Variants in HAT1 observed in about 807,000 individuals in gnomAD.
The protein encoded by HAT1 is histone acetyltransferase type B catalytic subunit.
HAT1 carries 20 observed loss-of-function variants against 56.6 expected under a neutral mutation model. The observed-to-expected ratio is 0.35, with a 90% CI of 0.25 to 0.51. HAT1 has a LOEUF of 0.51. Ranked by LOEUF, HAT1 falls within the 20% of genes least tolerant of loss-of-function variation. HAT1 has a pLI of 0.95. For missense variants in HAT1, 408 were observed against 504.3 expected (o/e 0.81, Z 1.83); for synonymous variants, 146 against 165.5 (o/e 0.88, Z 0.91).
chr2:171,931,233 A>G (rs1028242750), intron 2 of HAT1, among the ~76,000 whole-genome samples: 2 of 151,542 alleles, frequency 1.3e-5, no homozygotes, highest in Non-Finnish European at 2.9e-5. Flanking sequence ...TCTACAAAAA[A>G]TACAAGAATT....
In HAT1 at chr2:171,965,874, G is replaced by A; in HGVS notation, c.577G>A (p.Asp193Asn). The A allele has an allele frequency of 6.2e-7, 1 of 1,613,028 alleles. No homozygotes were observed. The highest frequency in any genetic ancestry group is 2.2e-5 in the East Asian group (1 of 44,852). ...MWFIETASFI[D>N]VDDERWHYFL... is the part of the protein sequence containing the mutation. ...GTTTATTGAAACTGCTAGCTTTATT[G>A]ACGTGGATGATGAAAGATGGCACTA... Residue 193 changes from aspartate (D) to asparagine (N), a missense_variant, in exon 6 of 11, where the codon GAC (aspartate) becomes AAC (asparagine). Transcript: ENST00000264108.
intron 8 of HAT1, among the ~76,000 whole-genome samples, chr2:171,970,235 C>A (rs559963851): frequency 1.3e-5 from 2 of 151,954 alleles, no homozygotes; most frequent in South Asian, 4.2e-4. Flanking sequence ...TCCTGGCTAG[C>A]ATGGTGAAAC....
chr2:171,979,280 C>T lies in HAT1; in HGVS notation c.1009C>T (p.Leu337=), dbSNP rs144355197. Residue 337 remains leucine (L), a synonymous_variant, in exon 10 of 11, where the codon CTA becomes TTA. Transcript: ENST00000264108. ...TAGAAGGGTTTATGAAATTCTTCGA[C>T]TACTGGTAACTGACATGAGTGATGC... is the stretch of plus-strand genomic sequence containing the variant. The part of the protein sequence containing the change: ...HARRVYEILR[L]LVTDMSDAEQ... 5.1e-5 allele frequency: 81 copies of T among 1,590,072 alleles called. No homozygotes were observed. The African/African-American group carries it at 9.2e-4, about 18-fold the overall frequency.
At chr2:171,942,714 T>C (rs1687047142) in intron 2 of HAT1, among the ~76,000 whole-genome samples, 1 of 152,178 alleles carries the variant, frequency 6.6e-6, no homozygotes, top group Non-Finnish European at 1.5e-5. Flanking sequence ...ATGTGACATA[T>C]ATATGTCACA....
At position 171,955,518 on chromosome 2, in the gene HAT1, G is replaced by C. The variant is rs559598620; in HGVS notation, c.309+2517G>C. Among the ~76,000 whole-genome samples, 455 of 152,130 alleles carry C rather than the reference G, an allele frequency of 3.0e-3. 3 individuals carry two copies. The highest frequency in any genetic ancestry group is 1.0e-2 in the African/African-American group (415 of 41,504). On this transcript the variant is annotated intron_variant, in intron 4 of 10. Transcript: ENST00000264108. ...CCCAGCAACTTGGGGGGCTGAGGCA[G>C]GAGAATCACTTGAACCTGGGAGGCA...
chr2:171,954,578 C>T (rs567889709), intron 4 of HAT1, among the ~76,000 whole-genome samples: 13 of 152,058 alleles, frequency 8.5e-5, no homozygotes, highest in African/African-American at 2.7e-4. Context: ...CCCAGCTACT[C>T]GGGAGGCTAA....
chr2:171,965,334 T>A lies in HAT1; in HGVS notation c.310-4T>A. The A allele has an allele frequency of 1.3e-6, 2 of 1,559,576 alleles. No homozygotes were observed. The highest frequency in any genetic ancestry group is 3.5e-5 in the Admixed American group (2 of 57,824). On this transcript the variant is annotated splice_polypyrimidine_tract_variant and splice_region_variant and intron_variant, in intron 4 of 10. Coordinates refer to ENST00000264108, the MANE Select transcript of HAT1 (RefSeq NM_003642.4). ...ATTAATTTTTTATATCCTTTATTCT[T>A]TAGGCAGATGATGTTGAGGGCAAAA...
intron 3 of HAT1, among the ~76,000 whole-genome samples, chr2:171,949,616 G>A (rs1287259857): frequency 6.6e-6 from 1 of 151,570 alleles, no homozygotes; most frequent in African/African-American, 2.4e-5. Flanking sequence ...AGAGGTTGCA[G>A]TGAGCTGAGA....
At chr2:171,971,487 A>G (rs1687815647) in intron 8 of HAT1, among the ~76,000 whole-genome samples, 1 of 152,184 alleles carries the variant, frequency 6.6e-6, no homozygotes, top group African/African-American at 2.4e-5. Context: ...ATGTGAGGTA[A>G]GTATCTCGTT....
chr2:171,971,123 C>T (rs1687805983), intron 8 of HAT1, among the ~76,000 whole-genome samples: 1 of 152,076 alleles, frequency 6.6e-6, no homozygotes. Flanking sequence ...TGGCGTAAAC[C>T]CAGAGGTGGA....
intron 4 of HAT1, among the ~76,000 whole-genome samples, chr2:171,961,470 G>T (rs1422327959): frequency 6.6e-6 from 1 of 152,192 alleles, no homozygotes; most frequent in Non-Finnish European, 1.5e-5. Flanking sequence ...GTGAATTTCA[G>T]TTATTTTATC....
At chr2:171,930,726 C>T (rs545393871) in intron 2 of HAT1, among the ~76,000 whole-genome samples, 18 of 152,190 alleles carry the variant, frequency 1.2e-4, no homozygotes, top group Admixed American at 3.3e-4. Flanking sequence ...GCGAACCTCC[C>T]ACCTCAGCCT....
At chr2:171,963,661 T>G (rs559870579) in intron 4 of HAT1, among the ~76,000 whole-genome samples, 1 of 152,340 alleles carries the variant, frequency 6.6e-6, no homozygotes, top group South Asian at 2.1e-4. Context: ...CTATACTGTT[T>G]TACTCATCAC....
intron 9 of HAT1, among the ~76,000 whole-genome samples, chr2:171,977,544 TA>T (rs1688010687): frequency 4.8e-4 from 7 of 14,580 alleles, no homozygotes; most frequent in African/African-American, 1.6e-3. Context: ...TATATATATA[TA>T]TATATATATA....
chr2:171,938,604 C>T (rs1255632830), intron 2 of HAT1, among the ~76,000 whole-genome samples: 2 of 152,102 alleles, frequency 1.3e-5, no homozygotes, highest in Non-Finnish European at 2.9e-5. Context: ...GTTTTGGTTG[C>T]TGTCATTGCA....
intron 8 of HAT1, among the ~76,000 whole-genome samples, chr2:171,971,645 T>G (rs1314326929): frequency 6.6e-6 from 1 of 152,216 alleles, no homozygotes; most frequent in African/African-American, 2.4e-5. Flanking sequence ...TGATCTATAC[T>G]TCTACCCTTA....
At chr2:171,941,896 CAT>C (rs1016413083) in intron 2 of HAT1, among the ~76,000 whole-genome samples, 5 of 151,964 alleles carry the variant, frequency 3.3e-5, no homozygotes, top group African/African-American at 9.7e-5. Flanking sequence ...GTGTGAGTGA[CAT>C]AGATTTTTTT....
intron 2 of HAT1, among the ~76,000 whole-genome samples, chr2:171,927,651 G>T (rs1453827776): frequency 1.3e-5 from 2 of 152,086 alleles, no homozygotes; most frequent in Non-Finnish European, 2.9e-5. Context: ...GCAGTGGTGC[G>T]ATCTTGGTTC....
At chr2:171,933,481 T>C (rs1686793704) in intron 2 of HAT1, among the ~76,000 whole-genome samples, 1 of 151,126 alleles carries the variant, frequency 6.6e-6, no homozygotes, top group Non-Finnish European at 1.5e-5. Context: ...TGAGCCAAGA[T>C]CGCATCACTG....
Sources: gnomAD v4.1 joint callset for allele counts (sites outside exome capture counted in the v4.1 genomes callset) on GRCh38, gnomAD v4.1.1 for gene constraint, MANE v1.5 for transcripts, NCBI Gene and HGNC (gene_info 2026-07-23, HGNC 2026-07-21) for gene names.